Variants in TRIM71 observed in about 807,000 individuals in gnomAD.
The protein encoded by TRIM71 is tripartite motif containing 71.
In TRIM71, 9 loss-of-function variants were observed where a neutral mutation model predicts 61.2. That is an observed-to-expected ratio of 0.15 (90% CI 0.09 to 0.26). The LOEUF is 0.26. TRIM71 is among the 10% of genes least tolerant of loss of function. The pLI is 1.00. For synonymous variants in TRIM71, 645 were observed against 553.2 expected (o/e 1.17, Z -2.33); for missense variants, 998 against 1,238.7 (o/e 0.81, Z 2.92).
At chr3:32,861,625 T>C (rs922678739) in intron 1 of TRIM71, among the ~76,000 whole-genome samples, 2 of 152,152 alleles carry the variant, frequency 1.3e-5, no homozygotes, top group African/African-American at 2.4e-5. Context: ...GCTTTTGCAC[T>C]GAAGATGTTT....
At chr3:32,834,892 C>G (rs1347310592) in intron 1 of TRIM71, among the ~76,000 whole-genome samples, 1 of 152,166 alleles carries the variant, frequency 6.6e-6, no homozygotes, top group Non-Finnish European at 1.5e-5. Context: ...TTCATTTTGT[C>G]TAGGGTCTAC....
rs992204801 is a variant in TRIM71 at position 32,897,040 on chromosome 3, G to A, written c.*5229G>A. The A allele has an allele frequency of 1.9e-4, 7 of 37,446 alleles. No homozygotes were observed. The East Asian group carries it at 4.9e-3, about 26-fold the overall frequency. 2.3% of individuals were successfully genotyped at this position (37,446 alleles called of 1,614,324 possible). ...AGGTAAGGGTGGGTGGGTAAGGGGT[G>A]TTGTTTTTTAACTAGCATGTTAGTT... is the stretch of plus-strand genomic sequence containing the variant. On this transcript the variant is annotated 3_prime_UTR_variant, in exon 4 of 4. Transcript: ENST00000383763.
chr3:32,886,014 G>A lies in TRIM71; in HGVS notation c.1101G>A (p.Val367=). Residue 367 remains valine (V), a synonymous_variant, in exon 3 of 4, where the codon GTG becomes GTA. Coordinates refer to ENST00000383763, the MANE Select transcript of TRIM71 (RefSeq NM_001039111.3). The part of the protein sequence containing the change: ...AKVVQSEVKA[V]TARHKKALEE... ...TTGTGCAGTCGGAGGTCAAAGCCGTGACGGCGAGGCATAAGAAAGCCCTGG... is the reference window on the plus strand; with the variant it reads ...TTGTGCAGTCGGAGGTCAAAGCCGTAACGGCGAGGCATAAGAAAGCCCTGG... The A allele has an allele frequency of 6.2e-7, 1 of 1,614,186 alleles. No homozygotes were observed. The highest frequency in any genetic ancestry group is 8.5e-7 in the Non-Finnish European group (1 of 1,180,018).
chr3:32,886,130 A>G, intron 3 of TRIM71, 62 bp downstream of exon 3: 1 of 1,509,108 alleles, frequency 6.6e-7, no homozygotes, highest in East Asian at 2.3e-5. Context: ...CCTCAGCAGC[A>G]CTCTACGGGA....
At chr3:32,875,100 C>T (rs1486215695) in intron 2 of TRIM71, among the ~76,000 whole-genome samples, 3 of 152,176 alleles carry the variant, frequency 2.0e-5, no homozygotes, top group Non-Finnish European at 2.9e-5. Flanking sequence ...GGATTACAGG[C>T]GTGAGCCACC....
At chr3:32,857,841 G>T (rs1237736128) in intron 1 of TRIM71, among the ~76,000 whole-genome samples, 1 of 152,092 alleles carries the variant, frequency 6.6e-6, no homozygotes, top group African/African-American at 2.4e-5. Context: ...TGTGGTAGTG[G>T]GTGCCTGTGA....
rs1696825022 is a variant in TRIM71, at chr3:32,873,935, C to T, written c.970C>T (p.Leu324Phe). ...LQEALQDSRA[L>F]TIQLLADAQQ... ...GGAGGCACTGCAGGACTCACGGGCA[C>T]TCACCATCCAGCTGCTGGCAGATGC... Residue 324 changes from leucine (L) to phenylalanine (F), a missense_variant, in exon 2 of 4, where the codon CTC becomes TTC. Leu to Phe is a conservative substitution (Grantham distance 22, BLOSUM62 0). This residue lies in a region of TRIM71 where 291 missense variants were observed against 431.2 expected (regional missense o/e 0.67). Coordinates refer to ENST00000383763, the MANE Select transcript of TRIM71 (RefSeq NM_001039111.3). 10 of 1,613,800 alleles carry T rather than the reference C, an allele frequency of 6.2e-6. No homozygotes were observed. The highest frequency in any genetic ancestry group is 8.5e-6 in the Non-Finnish European group (10 of 1,179,872).
chr3:32,871,626 T>C (rs1559547885), intron 1 of TRIM71, among the ~76,000 whole-genome samples: 1 of 152,230 alleles, frequency 6.6e-6, no homozygotes, highest in African/African-American at 2.4e-5. Context: ...CCTGAATTTA[T>C]CCAGCTCAGC....
At position 32,896,659 on chromosome 3, in the gene TRIM71, TAAC is replaced by T. The variant is rs1269973878; in HGVS notation, c.*4851_*4853del. 2 of 152,210 alleles carry T rather than the reference TAAC, an allele frequency of 1.3e-5. No individual in the cohort carries two copies. Among genetic ancestry groups the T allele is most frequent in the East Asian group, 3.8e-4 (2 of 5,200 alleles). The allele number at this position is 152,210 out of a possible 1,614,324, so 9.4% of individuals were successfully genotyped here. A position where few individuals can be genotyped will look rare whatever the true frequency, so the allele number is the denominator to read the frequency against. On this transcript the variant is annotated 3_prime_UTR_variant, in exon 4 of 4. Coordinates refer to ENST00000383763, the MANE Select transcript of TRIM71 (RefSeq NM_001039111.3). ...TATTTTTAAAACTGATCTTACGGGT[TAAC>T]AAGCCAGCCTGGTGGGATATTTTCC... is the stretch of plus-strand genomic sequence containing the variant.
intron 1 of TRIM71, among the ~76,000 whole-genome samples, chr3:32,836,177 A>T (rs569514179): frequency 8.8e-4 from 134 of 152,102 alleles, no homozygotes; most frequent in African/African-American, 3.0e-3. Context: ...ATGTTAATAG[A>T]TCCCAGCACT....
intron 1 of TRIM71, among the ~76,000 whole-genome samples, chr3:32,853,000 A>G (rs1696556108): frequency 6.6e-6 from 1 of 152,182 alleles, no homozygotes; most frequent in African/African-American, 2.4e-5. Context: ...TTTGGTTACC[A>G]AGGAATACTT....
At chr3:32,882,034 G>C (rs957895176) in intron 2 of TRIM71, among the ~76,000 whole-genome samples, 3 of 152,240 alleles carry the variant, frequency 2.0e-5, no homozygotes, top group African/African-American at 7.2e-5. Flanking sequence ...GTGAGTTCCA[G>C]ACATGAGGGA....
intron 1 of TRIM71, among the ~76,000 whole-genome samples, chr3:32,830,667 C>G (rs1396263539): frequency 6.6e-6 from 1 of 152,158 alleles, no homozygotes; most frequent in Non-Finnish European, 1.5e-5. Context: ...CCAGCTTTTG[C>G]CTGATTGTCA....
chr3:32,852,008 A>G (rs368260619), intron 1 of TRIM71, among the ~76,000 whole-genome samples: 2 of 152,188 alleles, frequency 1.3e-5, no homozygotes, highest in East Asian at 3.8e-4. Flanking sequence ...GGGAACAACT[A>G]TTCAGGAGAG....
rs768719110 is a variant in TRIM71 at position 32,890,596 on chromosome 3, C to T, written c.1392C>T (p.Pro464=). ...ACGACCGAGTCATGTTCACACCCCCCGATCAGGCACTGTACCTTGCCATCA... is the reference window on the plus strand; with the variant it reads ...ACGACCGAGTCATGTTCACACCCCCTGATCAGGCACTGTACCTTGCCATCA... ...QEDDRVMFTP[P]DQALYLAIKS... The change falls in exon 4 of 4, where the codon CCC becomes CCT. Residue 464 remains proline, a synonymous_variant. Coordinates refer to ENST00000383763, the MANE Select transcript of TRIM71 (RefSeq NM_001039111.3). This position sits in a 1 kb window ranked among gnomAD's most constrained non-coding sequence, Gnocchi z 6.2. 47 of 1,613,854 alleles carry T rather than the reference C, an allele frequency of 2.9e-5. No individual in the cohort carries two copies. Among genetic ancestry groups the T allele is most frequent in the Admixed American group, 5.0e-5 (3 of 60,006 alleles).
intron 1 of TRIM71, among the ~76,000 whole-genome samples, chr3:32,855,972 C>T (rs563874279): frequency 6.6e-6 from 1 of 152,008 alleles, no homozygotes; most frequent in Non-Finnish European, 1.5e-5. Context: ...CTAGAAGGTA[C>T]CTAGTTTTCT....
Position 32,850,355 on chromosome 3 carries a change from G to A in TRIM71, c.853-23463G>A, listed in dbSNP as rs1696524409. 2.0e-5 allele frequency among the ~76,000 whole-genome samples: 3 copies of A among 152,164 alleles called. No individual in the cohort carries two copies. In the South Asian group the frequency reaches 6.2e-4, roughly 32 times the overall value. ...GTTTCCCAAAGGATTTTTGCAAAAG[G>A]CATTTCCCTTCCCCCTCCTCTTGTG... On this transcript the variant is annotated intron_variant, in intron 1 of 3. Coordinates refer to ENST00000383763, the MANE Select transcript of TRIM71 (RefSeq NM_001039111.3).
rs747471675 is a variant in TRIM71 at position 32,890,425 on chromosome 3, C to T, written c.1221C>T (p.Asn407=). The T allele has an allele frequency of 4.8e-5, 78 of 1,613,980 alleles. No individual in the cohort carries two copies. The highest frequency in any genetic ancestry group is 6.5e-5 in the Non-Finnish European group (77 of 1,179,960). Residue 407 remains asparagine (N), a synonymous_variant, in exon 4 of 4, where the codon AAC becomes AAT. Transcript: ENST00000383763. This position sits in a 1 kb window ranked among gnomAD's most constrained non-coding sequence, Gnocchi z 6.2. Reference sequence around the variant, plus strand: ...TGCAGGTGGAGAAGCTGCGGCAAAACCTCAACAAGCTTGAGAGCACCATCA... The same window carrying T: ...TGCAGGTGGAGAAGCTGCGGCAAAATCTCAACAAGCTTGAGAGCACCATCA... The part of the protein sequence containing the change: ...LYLQVEKLRQ[N]LNKLESTISA...
intron 1 of TRIM71, among the ~76,000 whole-genome samples, chr3:32,853,056 A>G (rs1406913925): frequency 6.6e-6 from 1 of 151,346 alleles, no homozygotes; most frequent in Non-Finnish European, 1.5e-5. Flanking sequence ...ATATGTATAC[A>G]TTACTGTCTT....
Sources: allele counts gnomAD v4.1 joint callset (sites outside exome capture counted in the v4.1 genomes callset), GRCh38; gene constraint gnomAD v4.1.1; regional missense constraint gnomAD v4.1.1; non-coding constraint Gnocchi (gnomAD v3.1); transcripts MANE v1.5; gene names NCBI Gene and HGNC (gene_info 2026-07-23, HGNC 2026-07-21).